HNF4G: variants seen among roughly 807,000 people sequenced by gnomAD.
HNF4G encodes the protein hepatocyte nuclear factor 4-gamma.
Under a neutral mutation model 50.9 loss-of-function variants are expected in HNF4G, and 21 were observed. The observed-to-expected ratio is 0.41, with a 90% CI of 0.29 to 0.59. The LOEUF (loss-of-function observed/expected upper bound fraction) is 0.59, where lower values mean the gene tolerates loss of function less well. Among genes scored for constraint, HNF4G ranks in the 20% least tolerant of loss-of-function variants. The pLI, the probability that HNF4G is intolerant of heterozygous loss-of-function variation, is 0.26. For synonymous variants in HNF4G, 198 were observed against 185.6 expected, an observed-to-expected ratio of 1.07 and a Z score of -0.54; for missense variants, 527 against 559.4, an observed-to-expected ratio of 0.94 and a Z score of 0.58.
Position 75,510,462 on chromosome 8 carries a change from G to T in HNF4G, c.-24+20254G>T, listed in dbSNP as rs79900733. Among the ~76,000 whole-genome samples the T allele has an allele frequency of 5.8e-3, 877 of 152,262 alleles. 50 individuals carry two copies. The East Asian group carries it at 0.14, about 25-fold the overall frequency. ...CACATTCACTCACCACACACTCACT[G>T]ACTTACCCAGAGCAACTTCCACTGT... On this transcript the variant is annotated intron_variant, in intron 2 of 10. Coordinates refer to the HNF4G transcript ENST00000354370.
At chr8:75,552,243 C>T (rs1417451397) in intron 4 of HNF4G, among the ~76,000 whole-genome samples, 1 of 152,172 alleles carries the variant, frequency 6.6e-6, no homozygotes, top group East Asian at 1.9e-4. Flanking sequence ...GTTAACATCA[C>T]CGTTATCATT....
chr8:75,505,238 C>A (rs2943607), intron 2 of HNF4G, among the ~76,000 whole-genome samples: 42,041 of 151,946 alleles, frequency 0.28, 7,158 homozygotes, highest in African/African-American at 0.48. Flanking sequence ...TGTTGGTGGA[C>A]CTTTGACAAG....
At chr8:75,559,071 T>G (rs1248632159) in intron 8 of HNF4G, 34 bp downstream of exon 8, 1 of 1,258,478 alleles carries the variant, frequency 7.9e-7, no homozygotes, top group Admixed American at 1.7e-5. Flanking sequence ...CTTTATTGAT[T>G]AGAATCACAC....
At chr8:75,429,862 A>G (rs1810965895) in intron 1 of HNF4G, among the ~76,000 whole-genome samples, 1 of 152,194 alleles carries the variant, frequency 6.6e-6, no homozygotes, top group South Asian at 2.1e-4. Context: ...TTCATTAGCA[A>G]AAAACCTAAA....
chr8:75,419,730 G>C (rs1810734820), intron 1 of HNF4G, among the ~76,000 whole-genome samples: 1 of 152,252 alleles, frequency 6.6e-6, no homozygotes, highest in Admixed American at 6.5e-5. Flanking sequence ...ATGTTTAGGA[G>C]AGTGTGCTCA....
chr8:75,442,152 T>G (rs1563507954), intron 1 of HNF4G, among the ~76,000 whole-genome samples: 1 of 152,070 alleles, frequency 6.6e-6, no homozygotes, highest in Non-Finnish European at 1.5e-5. Flanking sequence ...TGGTTAAAAC[T>G]CAAAGAAATG....
chr8:75,432,724 A>T (rs1446983360), intron 1 of HNF4G, among the ~76,000 whole-genome samples: 1 of 152,176 alleles, frequency 6.6e-6, no homozygotes, highest in Admixed American at 6.5e-5. Context: ...GGCTTTTTTT[A>T]AGACTCATCT....
At chr8:75,496,105 T>A (rs1367463938) in intron 2 of HNF4G, among the ~76,000 whole-genome samples, 1 of 152,124 alleles carries the variant, frequency 6.6e-6, no homozygotes, top group Non-Finnish European at 1.5e-5. Context: ...ATCTGTTACT[T>A]CTTTAAAAGT....
At chr8:75,468,727 G>C (rs770927233) in intron 1 of HNF4G, among the ~76,000 whole-genome samples, 1 of 151,896 alleles carries the variant, frequency 6.6e-6, no homozygotes, top group Non-Finnish European at 1.5e-5. Context: ...GTTTTCTAAT[G>C]CTAAAATTTT....
At chr8:75,464,444 T>C (rs1217874942) in intron 1 of HNF4G, among the ~76,000 whole-genome samples, 2 of 152,128 alleles carry the variant, frequency 1.3e-5, no homozygotes, top group African/African-American at 4.8e-5. Flanking sequence ...TTATCCTCAG[T>C]TTTTTACCCC....
rs1301698202 is a variant in HNF4G, at chr8:75,558,694, A to C, written c.886+24A>C. On this transcript the variant is annotated intron_variant, in intron 7 of 9. Coordinates refer to ENST00000396423, the MANE Select transcript of HNF4G (RefSeq NM_004133.5). Reference sequence around the variant, plus strand: ...AGGTTGGTTTTCAAAATTCCACTAGAGAATTAATATAATAAAAATTGAACT... The same window carrying C: ...AGGTTGGTTTTCAAAATTCCACTAGCGAATTAATATAATAAAAATTGAACT... 7 of 1,598,694 alleles carry C rather than the reference A, an allele frequency of 4.4e-6. No individual in the cohort carries two copies. In the South Asian group the frequency reaches 7.8e-5, roughly 18 times the overall value.
intron 1 of HNF4G, among the ~76,000 whole-genome samples, chr8:75,458,135 T>C (rs1268025947): frequency 6.6e-6 from 1 of 152,050 alleles, no homozygotes; most frequent in African/African-American, 2.4e-5. Flanking sequence ...TGCTCACTGG[T>C]AGGTGGTTAG....
At chr8:75,440,075 C>A (rs563561858) in intron 1 of HNF4G, among the ~76,000 whole-genome samples, 1 of 152,092 alleles carries the variant, frequency 6.6e-6, no homozygotes, top group Non-Finnish European at 1.5e-5. Flanking sequence ...AACTTAAACT[C>A]CCAACTATTA....
At chr8:75,482,903 T>C (rs1457545715) in intron 1 of HNF4G, among the ~76,000 whole-genome samples, 2 of 152,224 alleles carry the variant, frequency 1.3e-5, no homozygotes, top group African/African-American at 4.8e-5. Context: ...CATTGTTTCA[T>C]TATTGTTGGC....
intron 1 of HNF4G, among the ~76,000 whole-genome samples, chr8:75,467,779 TA>T (rs1208587831): frequency 6.6e-6 from 1 of 152,204 alleles, no homozygotes; most frequent in African/African-American, 2.4e-5. Flanking sequence ...TATTTTTTTT[TA>T]AAATGTCATT....
Position 75,504,109 on chromosome 8 carries a change from C to T in HNF4G, c.-24+13901C>T, listed in dbSNP as rs559394745. Among the ~76,000 whole-genome samples the T allele has an allele frequency of 5.1e-4, 78 of 152,064 alleles. 1 individual carries two copies. In the South Asian group the frequency reaches 0.016, roughly 31 times the overall value. ...TGGTGGCATACATCTGTGGTCCCAGCTACTCAGGAGGCTGAGGCAGGAGAA... is the reference window on the plus strand; with the variant it reads ...TGGTGGCATACATCTGTGGTCCCAGTTACTCAGGAGGCTGAGGCAGGAGAA... On this transcript the variant is annotated intron_variant, in intron 2 of 10. Transcript: ENST00000354370.
rs367786711 is a variant in HNF4G at position 75,555,965 on chromosome 8, G to A, written c.646-17G>A. 3 of 1,407,818 alleles carry A rather than the reference G, an allele frequency of 2.1e-6. No homozygotes were observed. Among genetic ancestry groups the A allele is most frequent in the Non-Finnish European group, 1.9e-6 (2 of 1,036,134 alleles). The allele number at this position is 1,407,818 out of a possible 1,614,324, so 87.2% of individuals were successfully genotyped here. Reference sequence around the variant, plus strand: ...ATATATTATAATTAATTGTTAAACTGAGAATTTTTCATTAAGGTGGCACTG... The same window carrying A: ...ATATATTATAATTAATTGTTAAACTAAGAATTTTTCATTAAGGTGGCACTG... On this transcript the variant is annotated splice_polypyrimidine_tract_variant and intron_variant, in intron 5 of 9. Coordinates refer to ENST00000396423, the MANE Select transcript of HNF4G (RefSeq NM_004133.5).
intron 1 of HNF4G, among the ~76,000 whole-genome samples, chr8:75,476,020 T>C (rs1034909943): frequency 1.3e-5 from 2 of 152,172 alleles, no homozygotes; most frequent in African/African-American, 4.8e-5. Context: ...TGGTGAGATT[T>C]GGGCTTCTAG....
intron 4 of HNF4G, among the ~76,000 whole-genome samples, chr8:75,551,869 C>T (rs1472058428): frequency 6.6e-6 from 1 of 152,132 alleles, no homozygotes; most frequent in Non-Finnish European, 1.5e-5. Context: ...TATTTGTTAT[C>T]AGAGCTTCTT....
Sources: gnomAD v4.1 joint callset for allele counts (sites outside exome capture counted in the v4.1 genomes callset) on GRCh38, gnomAD v4.1.1 for gene constraint, MANE v1.5 for transcripts, NCBI Gene and HGNC (gene_info 2026-07-23, HGNC 2026-07-21) for gene names.